CACNA1S: variants seen among roughly 807,000 people sequenced by gnomAD.
The protein encoded by CACNA1S is voltage-dependent L-type calcium channel subunit alpha-1S.
In CACNA1S, 126 loss-of-function variants were observed where a neutral mutation model predicts 207.4. The ratio of observed to expected loss-of-function variants is 0.61; its 90% CI spans 0.53 to 0.70. The LOEUF (loss-of-function observed/expected upper bound fraction) is 0.70, where lower values mean the gene tolerates loss of function less well. Ranked by LOEUF, CACNA1S falls within the 30% of genes least tolerant of loss-of-function variation. The pLI, the probability that CACNA1S is intolerant of heterozygous loss-of-function variation, is 0.00. For synonymous variants in CACNA1S, 960 were observed against 932.7 expected, an observed-to-expected ratio of 1.03 and a Z score of -0.53; for missense variants, 2,349 against 2,422.8, an observed-to-expected ratio of 0.97 and a Z score of 0.64.
rs1428214499 is a variant in CACNA1S, at chr1:201,070,305, G to T, written c.2327C>A (p.Ala776Asp). 1 of 1,613,952 alleles carries T rather than the reference G, an allele frequency of 6.2e-7. No homozygotes were observed. The highest frequency in any genetic ancestry group is 2.2e-5 in the East Asian group (1 of 44,894). ...LKEKAVPIPEASSFFIFSPTN... is the reference protein window; with the variant it reads ...LKEKAVPIPEDSSFFIFSPTN... The stretch of plus-strand genomic sequence containing the variant: ...GGGGCTGAAGATGAAGAAGGAGCTG[G>T]CTTCTGGAATGGGCACGGCCTTCTC... The change falls in exon 17 of 44, where the codon GCC becomes GAC. Residue 776 changes from alanine (A) to aspartate (D), a missense_variant. Transcript: ENST00000362061.
chr1:201,066,749 C>T lies in CACNA1S; in HGVS notation c.2657+138G>A. 2.8e-6 allele frequency: 2 copies of T among 707,608 alleles called. No individual in the cohort carries two copies. Among genetic ancestry groups the T allele is most frequent in the Admixed American group, 2.1e-5 (1 of 48,182 alleles). 43.8% of individuals were successfully genotyped at this position (707,608 alleles called of 1,614,324 possible). A position where few individuals can be genotyped will look rare whatever the true frequency, so the allele number is the denominator to read the frequency against. On this transcript the variant is annotated intron_variant, in intron 20 of 43. Coordinates refer to ENST00000362061, the MANE Select transcript of CACNA1S (RefSeq NM_000069.3). The surrounding 1 kb of genome is among the most constrained non-coding windows in gnomAD (Gnocchi z 4.3). ...CCAGCTGGTGACAACCCACAGGACC[C>T]CCTGCCTCCATCGGAGGCCCCGAGA...
rs368926575 is a variant in CACNA1S at position 201,043,328 on chromosome 1, A to G, written c.5001T>C (p.Asn1667=). The G allele has an allele frequency of 1.9e-6, 3 of 1,614,204 alleles. No individual in the cohort carries two copies. In the African/African-American group the frequency reaches 4.0e-5, roughly 22 times the overall value. Residue 1667 remains asparagine, a synonymous_variant, in exon 40 of 44, where the codon AAT becomes AAC. Coordinates refer to ENST00000362061, the MANE Select transcript of CACNA1S (RefSeq NM_000069.3). ...ARANTNNANA[N]VAYGNSNHSN... ...TATGGTTGCTGTTGCCATAGGCGAC[A>G]TTGGCGTTGGCATTGTTGGTATTGG...
intron 1 of CACNA1S, among the ~76,000 whole-genome samples, chr1:201,111,521 G>A (rs1241896999): frequency 1.3e-5 from 2 of 152,082 alleles, no homozygotes; most frequent in African/African-American, 2.4e-5. Context: ...AGAACAACCA[G>A]GCTTGTTTGG....
chr1:201,070,179 G>A (rs1661398534), intron 17 of CACNA1S, 93 bp downstream of exon 17: 2 of 1,341,060 alleles, frequency 1.5e-6, no homozygotes, highest in African/African-American at 1.4e-5. Context: ...TAGTATAACT[G>A]TAGGCATGGA....
At chr1:201,085,323 C>T (rs1306570211) in intron 8 of CACNA1S, 113 bp downstream of exon 8, 21 of 1,428,928 alleles carry the variant, frequency 1.5e-5, no homozygotes, top group East Asian at 2.3e-5. Context: ...GCAAGTCACT[C>T]ACCCTCAAAG....
chr1:201,056,066 G>GACACACAC lies in CACNA1S; in HGVS notation c.3610-1506_3610-1505insGTGTGTGT, dbSNP rs1350288817. 3.5e-3 allele frequency among the ~76,000 whole-genome samples: 241 copies of GACACACAC among 68,306 alleles called. 1 individual carries two copies. The East Asian group carries it at 0.045, about 13-fold the overall frequency. The allele number at this position is 68,306 out of a possible 152,430, so 44.8% of individuals were successfully genotyped here. Reference sequence around the variant, plus strand: ...ACACACACACACAGACAGACAGACAGACAGACACACACACACACACACACA... The same window carrying GACACACAC: ...ACACACACACACAGACAGACAGACAGACACACACACAGACACACACACACACACACACA... On this transcript the variant is annotated intron_variant, in intron 28 of 43. Coordinates refer to ENST00000362061, the MANE Select transcript of CACNA1S (RefSeq NM_000069.3).
intron 27 of CACNA1S, among the ~76,000 whole-genome samples, 199 bp downstream of exon 27, chr1:201,058,990 T>C (rs1660948016): frequency 6.6e-6 from 1 of 152,174 alleles, no homozygotes; most frequent in Non-Finnish European, 1.5e-5. Flanking sequence ...AGTCTTTCTG[T>C]CATTGTCAAT....
chr1:201,063,720 T>C (rs1420235274), intron 22 of CACNA1S, among the ~76,000 whole-genome samples: 1 of 152,174 alleles, frequency 6.6e-6, no homozygotes. Flanking sequence ...AGCTGGCCCT[T>C]GCCCCCCGCT....
At chr1:201,052,438 C>G in intron 32 of CACNA1S, 119 bp downstream of exon 32, 1 of 774,560 alleles carries the variant, frequency 1.3e-6, no homozygotes, top group Non-Finnish European at 2.3e-6. Flanking sequence ...GTATAGGACC[C>G]TGTGTGGCTG....
chr1:201,083,385 C>A, intron 9 of CACNA1S, 63 bp from the exon 10 acceptor site: 1 of 1,569,588 alleles, frequency 6.4e-7, no homozygotes. Flanking sequence ...CCTGTCCAAG[C>A]TACCTTCAGA....
chr1:201,104,816 C>A (rs1558088025), intron 2 of CACNA1S, among the ~76,000 whole-genome samples: 1 of 152,236 alleles, frequency 6.6e-6, no homozygotes, highest in African/African-American at 2.4e-5. Context: ...GTCCCCTCAG[C>A]CTGGCCTAGG....
At chr1:201,057,927 C>T (rs4915474) in intron 28 of CACNA1S, among the ~76,000 whole-genome samples, 68,791 of 152,190 alleles carry the variant, frequency 0.45, 16,057 homozygotes, top group South Asian at 0.64. Context: ...CTTAGCTCTC[C>T]AGCCTTGCCC....
At chr1:201,107,955 C>T (rs1344413127) in intron 2 of CACNA1S, among the ~76,000 whole-genome samples, 4 of 152,146 alleles carry the variant, frequency 2.6e-5, no homozygotes, top group African/African-American at 9.7e-5. Context: ...GCAGGGAACT[C>T]ATAATACTGT....
chr1:201,075,807 G>T (rs980766205), intron 12 of CACNA1S, among the ~76,000 whole-genome samples, 192 bp from the exon 13 acceptor site: 1 of 152,112 alleles, frequency 6.6e-6, no homozygotes, highest in African/African-American at 2.4e-5. Context: ...AGTGGCTCAC[G>T]CCTGTTACTT....
At chr1:201,078,288 T>A (rs1203935496) in intron 10 of CACNA1S, among the ~76,000 whole-genome samples, 184 bp from the exon 11 acceptor site, 1 of 152,012 alleles carries the variant, frequency 6.6e-6, no homozygotes, top group Admixed American at 6.6e-5. Context: ...GTGGCACAAT[T>A]ATGGCACACT....
rs1207058566 is a variant in CACNA1S, at chr1:201,053,933, G to T, written c.3667-346C>A. 6.6e-6 allele frequency among the ~76,000 whole-genome samples: 1 copy of T among 152,148 alleles called. No homozygotes were observed. Among genetic ancestry groups the T allele is most frequent in the East Asian group, 1.9e-4 (1 of 5,178 alleles). On this transcript the variant is annotated intron_variant, in intron 29 of 43. Coordinates refer to ENST00000362061, the MANE Select transcript of CACNA1S (RefSeq NM_000069.3). The surrounding 1 kb of genome is among the most constrained non-coding windows in gnomAD (Gnocchi z 5.1). ...GCACATCTCACAATCTCCTCAAGCTGCCACTGAGTCGAGGACCCTGGTGGC... is the reference window on the plus strand; with the variant it reads ...GCACATCTCACAATCTCCTCAAGCTTCCACTGAGTCGAGGACCCTGGTGGC...
intron 1 of CACNA1S, among the ~76,000 whole-genome samples, chr1:201,111,100 C>G (rs1471442993): frequency 6.6e-6 from 1 of 151,782 alleles, no homozygotes; most frequent in Non-Finnish European, 1.5e-5. Flanking sequence ...GAGGGAGAAC[C>G]CACAGAGTAA....
At position 201,092,367 on chromosome 1, in the gene CACNA1S, G is replaced by A. The variant is rs541462235; in HGVS notation, c.399-253C>T. On this transcript the variant is annotated intron_variant, in intron 3 of 43. Transcript: ENST00000362061. ...GCTCCACTTGTGAGGTCTACTTTGG[G>A]TGCTGAACGGGGGTGAGGTATGTGT... Among the ~76,000 whole-genome samples, 3 of 152,302 alleles carry A rather than the reference G, an allele frequency of 2.0e-5. No homozygotes were observed. The South Asian group carries it at 6.2e-4, about 32-fold the overall frequency.
chr1:201,105,224 G>T (rs1274861635), intron 2 of CACNA1S, among the ~76,000 whole-genome samples: 1 of 152,184 alleles, frequency 6.6e-6, no homozygotes, highest in East Asian at 1.9e-4. Context: ...TAACTGTTGG[G>T]GGTTAGACCC....
Sources: gnomAD v4.1 joint callset for allele counts (sites outside exome capture counted in the v4.1 genomes callset) on GRCh38, gnomAD v4.1.1 for gene constraint, Gnocchi (gnomAD v3.1) non-coding constraint, MANE v1.5 for transcripts, NCBI Gene and HGNC (gene_info 2026-07-23, HGNC 2026-07-21) for gene names.